TET1: variants seen among roughly 807,000 people sequenced by gnomAD.
TET1 encodes tet methylcytosine dioxygenase 1, also known as methylcytosine dioxygenase TET1.
A neutral mutation model predicts 148.7 loss-of-function variants in TET1; 13 were observed. That is an observed-to-expected ratio of 0.09 (90% CI 0.06 to 0.14). The LOEUF is 0.14. TET1 is among the 10% of genes least tolerant of loss of function. The pLI, the probability that TET1 is intolerant of heterozygous loss-of-function variation, is 1.00. For missense variants in TET1, 2,182 were observed against 2,553.8 expected, an observed-to-expected ratio of 0.85 and a Z score of 3.14; for synonymous variants, 907 against 937.2, an observed-to-expected ratio of 0.97 and a Z score of 0.59.
At chr10:68,674,405 G>A (rs2055321963) in intron 8 of TET1, 1 of 293,516 alleles carries the variant, frequency 3.4e-6, no homozygotes, top group East Asian at 8.6e-5. Flanking sequence ...AGAAAGATTT[G>A]TATTACGTGA....
intron 2 of TET1, among the ~76,000 whole-genome samples, chr10:68,594,587 G>C (rs769199313): frequency 6.6e-6 from 1 of 152,170 alleles, no homozygotes; most frequent in East Asian, 1.9e-4. Context: ...GCTTACATCC[G>C]GACTATTACT....
Position 68,598,459 on chromosome 10 carries a change from T to C in TET1, c.1915-2522T>C, listed in dbSNP as rs927195863. Among the ~76,000 whole-genome samples, 9 of 152,154 alleles carry C rather than the reference T, an allele frequency of 5.9e-5. No homozygotes were observed. In the East Asian group the frequency reaches 1.5e-3, roughly 26 times the overall value. On this transcript the variant is annotated intron_variant, in intron 2 of 11. Coordinates refer to ENST00000373644, the MANE Select transcript of TET1 (RefSeq NM_030625.3). ...CAATTTAAAAAAAAATCACCAAAAA[T>C]GGGATGTACAGCTAAAAGATTTTGT...
At chr10:68,600,631 T>G (rs1452749508) in intron 2 of TET1, among the ~76,000 whole-genome samples, 2 of 152,168 alleles carry the variant, frequency 1.3e-5, no homozygotes, top group Non-Finnish European at 2.9e-5. Flanking sequence ...AACACCATGA[T>G]AATAATACCA....
chr10:68,620,591 A>G (rs2132965879), intron 3 of TET1, among the ~76,000 whole-genome samples: 1 of 151,898 alleles, frequency 6.6e-6, no homozygotes, highest in South Asian at 2.1e-4. Context: ...CCCACCCCCA[A>G]ACACACACAC....
At chr10:68,583,464 A>G (rs983025875) in intron 2 of TET1, among the ~76,000 whole-genome samples, 3 of 152,230 alleles carry the variant, frequency 2.0e-5, no homozygotes, top group Admixed American at 1.3e-4. Flanking sequence ...AGACATATCC[A>G]GAAGGTGTTG....
At chr10:68,571,062 C>T (rs557753493) in intron 1 of TET1, among the ~76,000 whole-genome samples, 2 of 151,594 alleles carry the variant, frequency 1.3e-5, no homozygotes, top group African/African-American at 4.9e-5. Flanking sequence ...GCAATCTCGG[C>T]TCACTGCAAC....
chr10:68,591,287 T>C (rs1183955724), intron 2 of TET1, among the ~76,000 whole-genome samples: 1 of 152,264 alleles, frequency 6.6e-6, no homozygotes, highest in African/African-American at 2.4e-5. Flanking sequence ...TAAGTCTTTT[T>C]ATTTTTTGGT....
intron 8 of TET1, among the ~76,000 whole-genome samples, chr10:68,675,443 C>T (rs762461276): frequency 1.3e-5 from 2 of 151,992 alleles, no homozygotes; most frequent in Non-Finnish European, 2.9e-5. Context: ...TCGTTGATGC[C>T]TTATAAAAAG....
At chr10:68,622,190 CTT>C (rs2054382314) in intron 3 of TET1, among the ~76,000 whole-genome samples, 1 of 113,196 alleles carries the variant, frequency 8.8e-6, no homozygotes, top group Non-Finnish European at 1.8e-5. Flanking sequence ...TCCTTCCTTC[CTT>C]CCTTCCTTCC....
At chr10:68,653,777 C>T (rs894331774) in intron 6 of TET1, among the ~76,000 whole-genome samples, 3 of 152,168 alleles carry the variant, frequency 2.0e-5, no homozygotes, top group Admixed American at 6.6e-5. Context: ...TTGTTTCTCT[C>T]TTCCCATGGG....
chr10:68,575,978 C>T (rs2053725347), intron 2 of TET1, among the ~76,000 whole-genome samples: 1 of 150,498 alleles, frequency 6.6e-6, no homozygotes. Context: ...CGAGATTGTG[C>T]CACTGCACTC....
chr10:68,594,993 AAAAG>A (rs1318209167), intron 2 of TET1, among the ~76,000 whole-genome samples: 69 of 151,618 alleles, frequency 4.6e-4, no homozygotes, highest in Non-Finnish European at 6.9e-4. Context: ...AAAAAAAAAA[AAAAG>A]AAGAAAAGAA....
At chr10:68,686,279 A>G (rs2055506804) in intron 10 of TET1, 77 bp from the exon 11 acceptor site, 2 of 1,266,748 alleles carry the variant, frequency 1.6e-6, no homozygotes, top group Non-Finnish European at 2.2e-6. Context: ...AAAGGCAACA[A>G]CACGAAGGTA....
chr10:68,655,375 C>T (rs2055006425), intron 6 of TET1, among the ~76,000 whole-genome samples: 1 of 152,194 alleles, frequency 6.6e-6, no homozygotes, highest in African/African-American at 2.4e-5. Context: ...TGAAATAAAT[C>T]ACACAATTGG....
chr10:68,649,129 A>AT (rs1456238893), intron 4 of TET1, among the ~76,000 whole-genome samples: 8 of 152,138 alleles, frequency 5.3e-5, no homozygotes, highest in Non-Finnish European at 1.0e-4. Flanking sequence ...TTGACTTGTT[A>AT]TTTTCACAGA....
At chr10:68,684,696 A>T (rs546611123) in intron 10 of TET1, among the ~76,000 whole-genome samples, 1 of 152,092 alleles carries the variant, frequency 6.6e-6, no homozygotes, top group East Asian at 1.9e-4. Flanking sequence ...ATCTTCAAAC[A>T]TGTGAACTCT....
At chr10:68,621,556 G>C (rs1167867098) in intron 3 of TET1, among the ~76,000 whole-genome samples, 1 of 152,082 alleles carries the variant, frequency 6.6e-6, no homozygotes, top group East Asian at 1.9e-4. Context: ...ACTCCAGCCT[G>C]GGTGACAGAG....
intron 6 of TET1, among the ~76,000 whole-genome samples, chr10:68,658,172 G>T (rs1010724139): frequency 2.0e-5 from 3 of 152,022 alleles, no homozygotes; most frequent in African/African-American, 7.2e-5. Flanking sequence ...TAGTATTAAA[G>T]TTCTGTCCTA....
Position 68,680,653 on chromosome 10 carries a change from CAT to C in TET1, c.4825-745_4825-744del, listed in dbSNP as rs548338184. ...GTTAGCCACCATGCTAATAGAGACT[CAT>C]GTGATAGTTTTCCTTTGAAAAAATC... On this transcript the variant is annotated intron_variant, in intron 8 of 11. Coordinates refer to ENST00000373644, the MANE Select transcript of TET1 (RefSeq NM_030625.3). Among the ~76,000 whole-genome samples the C allele has an allele frequency of 3.8e-3, 584 of 152,320 alleles. 3 individuals are homozygous for C. The highest frequency in any genetic ancestry group is 0.013 in the African/African-American group (549 of 41,566).
Sources: allele counts gnomAD v4.1 joint callset (sites outside exome capture counted in the v4.1 genomes callset), GRCh38; gene constraint gnomAD v4.1.1; transcripts MANE v1.5; gene names NCBI Gene and HGNC (gene_info 2026-07-23, HGNC 2026-07-21).